The following DNAH11 variants were observed in gnomAD, a reference collection of about 807,000 sequenced individuals.
DNAH11 encodes the protein axonemal beta dynein heavy chain 11.
In DNAH11, 442 loss-of-function variants were observed where a neutral mutation model predicts 526.0. That is an observed-to-expected ratio of 0.84 (90% CI 0.78 to 0.91). The LOEUF is 0.91. DNAH11 is among the 40% of genes least tolerant of loss of function. The pLI, the probability that DNAH11 is intolerant of heterozygous loss-of-function variation, is 0.00. For missense variants in DNAH11, 6,989 were observed against 5,448.7 expected, an observed-to-expected ratio of 1.28 and a Z score of -8.90; for synonymous variants, 2,461 against 1,935.9, an observed-to-expected ratio of 1.27 and a Z score of -7.12.
intron 54 of DNAH11, among the ~76,000 whole-genome samples, chr7:21,754,728 C>A (rs74518548): frequency 0.011 from 1,699 of 152,072 alleles, 31 homozygotes; most frequent in African/African-American, 0.035. Flanking sequence ...ACTTCTGATC[C>A]CCTTTGGCCT....
In DNAH11 at chr7:21,727,428, C is replaced by T. The variant is rs192287267; in HGVS notation, c.7440+1444C>T. Among the ~76,000 whole-genome samples, 117 of 152,276 alleles carry T rather than the reference C, an allele frequency of 7.7e-4. 1 individual carries two copies. Among genetic ancestry groups the T allele is most frequent in the Non-Finnish European group, 4.0e-4 (27 of 68,038 alleles). ...TCACGTATAACGTTCTTCTTATACC[C>T]TCCAGCTATCAAATGAATATGTTTA... is the stretch of plus-strand genomic sequence containing the variant. On this transcript the variant is annotated intron_variant, in intron 45 of 81. Transcript: ENST00000409508.
At chr7:21,719,459 C>T (rs1784791889) in intron 43 of DNAH11, among the ~76,000 whole-genome samples, 2 of 152,274 alleles carry the variant, frequency 1.3e-5, no homozygotes, top group Middle Eastern at 3.4e-3. Flanking sequence ...TGGCCGTATT[C>T]GTGTGTTCAT....
intron 30 of DNAH11, among the ~76,000 whole-genome samples, chr7:21,663,370 T>C (rs1782308387): frequency 2.0e-5 from 3 of 152,122 alleles, no homozygotes. Flanking sequence ...CAAATGCTGG[T>C]TCTATTATTA....
intron 44 of DNAH11, among the ~76,000 whole-genome samples, chr7:21,721,563 C>T (rs771975928): frequency 2.0e-5 from 3 of 152,170 alleles, no homozygotes; most frequent in Middle Eastern, 3.2e-3. Flanking sequence ...ACTCTCTTCC[C>T]ACCTTTCAGA....
intron 61 of DNAH11, among the ~76,000 whole-genome samples, chr7:21,791,930 G>A (rs1202953689): frequency 3.3e-5 from 5 of 152,164 alleles, no homozygotes; most frequent in Admixed American, 6.5e-5. Context: ...GGTTTAATTG[G>A]CCCATGATTC....
chr7:21,614,837 T>C (rs1401780213), intron 20 of DNAH11, among the ~76,000 whole-genome samples: 3 of 152,226 alleles, frequency 2.0e-5, no homozygotes, highest in Non-Finnish European at 4.4e-5. Context: ...GGAAAAATTG[T>C]ATTCAGAGAA....
In DNAH11 at chr7:21,623,178, AG is replaced by A. The variant is rs1436586111; in HGVS notation, c.4500+3101del. Among the ~76,000 whole-genome samples, 24 of 152,164 alleles carry A rather than the reference AG, an allele frequency of 1.6e-4. 1 individual carries two copies. Among genetic ancestry groups the A allele is most frequent in the African/African-American group, 5.6e-4 (23 of 41,390 alleles). On this transcript the variant is annotated intron_variant, in intron 25 of 81. Coordinates refer to ENST00000409508, the MANE Select transcript of DNAH11 (RefSeq NM_001277115.2). ...AGGACATGAACAGACACTTCTCAAA[AG>A]AAGACATTTATGCAACCAAAAAACA...
At chr7:21,578,001 A>G (rs911259352) in intron 8 of DNAH11, among the ~76,000 whole-genome samples, 1 of 152,178 alleles carries the variant, frequency 6.6e-6, no homozygotes, top group African/African-American at 2.4e-5. Flanking sequence ...AGTTCCACAG[A>G]CTTAACAGAA....
At position 21,786,302 on chromosome 7, in the gene DNAH11, A is replaced by ATGTGTGTG. The variant is rs58775729; in HGVS notation, c.9598-302_9598-295dup. On this transcript the variant is annotated intron_variant, in intron 58 of 81. Transcript: ENST00000409508. Reference sequence around the variant, plus strand: ...TATAAATATCTTACAACATATACACATGTGTGTGTGTGTGTGTGTGTGTGT... The same window carrying ATGTGTGTG: ...TATAAATATCTTACAACATATACACATGTGTGTGTGTGTGTGTGTGTGTGTGTGTGTGT... 3.3e-3 allele frequency among the ~76,000 whole-genome samples: 497 copies of ATGTGTGTG among 150,948 alleles called. 1 individual carries two copies. Among genetic ancestry groups the ATGTGTGTG allele is most frequent in the African/African-American group, 0.011 (448 of 40,988 alleles).
At chr7:21,745,653 T>G (rs1343035822) in intron 51 of DNAH11, among the ~76,000 whole-genome samples, 2 of 152,212 alleles carry the variant, frequency 1.3e-5, no homozygotes, top group Admixed American at 1.3e-4. Context: ...CCCTCTGTAG[T>G]TGAGCTTACA....
chr7:21,857,179 A>T (rs994162178), intron 68 of DNAH11, among the ~76,000 whole-genome samples: 2 of 152,216 alleles, frequency 1.3e-5, no homozygotes, highest in African/African-American at 4.8e-5. Context: ...CATGAGAAAC[A>T]AGTGGAAAAT....
At chr7:21,610,069 A>G (rs1029612187) in intron 20 of DNAH11, among the ~76,000 whole-genome samples, 2 of 152,120 alleles carry the variant, frequency 1.3e-5, no homozygotes, top group Non-Finnish European at 2.9e-5. Flanking sequence ...CCTGGCTAAC[A>G]CAGTGAAACC....
At chr7:21,550,401 AT>A (rs1782976852) in intron 2 of DNAH11, among the ~76,000 whole-genome samples, 1 of 152,140 alleles carries the variant, frequency 6.6e-6, no homozygotes, top group South Asian at 2.1e-4. Context: ...CCAGTATATA[AT>A]GTCTTAAGAA....
intron 18 of DNAH11, 24 bp downstream of exon 18, chr7:21,601,642 A>G (rs1193539069): frequency 4.0e-6 from 6 of 1,483,078 alleles, no homozygotes; most frequent in Non-Finnish European, 4.5e-6. Context: ...TGAAATAATC[A>G]TAATTACCAT....
intron 25 of DNAH11, among the ~76,000 whole-genome samples, chr7:21,628,686 T>C (rs1330825819): frequency 1.3e-5 from 2 of 152,146 alleles, no homozygotes; most frequent in African/African-American, 4.8e-5. Flanking sequence ...TTGAATTCCA[T>C]CAGCTAATAT....
At chr7:21,824,068 C>G (rs922358402) in intron 65 of DNAH11, among the ~76,000 whole-genome samples, 1 of 152,180 alleles carries the variant, frequency 6.6e-6, no homozygotes, top group African/African-American at 2.4e-5. Flanking sequence ...TAAACACACA[C>G]AAACAATTGC....
chr7:21,564,036 A>G, intron 5 of DNAH11, 150 bp from the exon 6 acceptor site: 1 of 569,206 alleles, frequency 1.8e-6, no homozygotes, highest in Non-Finnish European at 3.0e-6. Flanking sequence ...GCTCGTGTGT[A>G]GATTGTAGGA....
chr7:21,687,088 A>C lies in DNAH11; in HGVS notation c.5622-11A>C, dbSNP rs145940768. 34 of 1,603,348 alleles carry C rather than the reference A, an allele frequency of 2.1e-5. No homozygotes were observed. The African/African-American group carries it at 4.3e-4, about 20-fold the overall frequency. On this transcript the variant is annotated splice_polypyrimidine_tract_variant and intron_variant, in intron 32 of 81. Coordinates refer to ENST00000409508, the MANE Select transcript of DNAH11 (RefSeq NM_001277115.2). ...TTAGACTGTGATGTTTGTGTTTTCTATTGCTTAAAGGTGTTATATTACCTT... is the reference window on the plus strand; with the variant it reads ...TTAGACTGTGATGTTTGTGTTTTCTCTTGCTTAAAGGTGTTATATTACCTT...
chr7:21,830,467 G>C (rs985727066), intron 65 of DNAH11, among the ~76,000 whole-genome samples: 2 of 152,172 alleles, frequency 1.3e-5, no homozygotes, highest in Admixed American at 1.3e-4. Flanking sequence ...AATTGTTACT[G>C]AGTCGATCAT....
Sources: gnomAD v4.1 joint callset for allele counts (sites outside exome capture counted in the v4.1 genomes callset) on GRCh38, gnomAD v4.1.1 for gene constraint, MANE v1.5 for transcripts, NCBI Gene and HGNC (gene_info 2026-07-23, HGNC 2026-07-21) for gene names.